GGA2: variants seen among roughly 807,000 people sequenced by gnomAD.
The protein encoded by GGA2 is ADP-ribosylation factor-binding protein GGA2.
Under a neutral mutation model 79.5 loss-of-function variants are expected in GGA2, and 48 were observed. That is an observed-to-expected ratio of 0.60 (90% CI 0.48 to 0.77). GGA2 has a LOEUF of 0.77. Among genes scored for constraint, GGA2 ranks in the 30% least tolerant of loss-of-function variants. GGA2 has a pLI of 0.00. For missense variants in GGA2, 770 were observed against 774.0 expected, an observed-to-expected ratio of 0.99 and a Z score of 0.06; for synonymous variants, 317 against 302.0, an observed-to-expected ratio of 1.05 and a Z score of -0.51.
chr16:23,488,660 T>G lies in GGA2; in HGVS notation c.525A>C (p.Pro175=), dbSNP rs1306482238. ...TGGAGCTCTTGGGCCAGGGAGATGG[T>G]GGGGGTAAGATTTTATCCACTGGTA... ...PKLPVDKILP[P]PSPWPKSSIF... is the part of the protein sequence containing the mutation. Residue 175 remains proline, a synonymous_variant, in exon 6 of 17, where the codon CCA becomes CCC. Transcript: ENST00000309859. 2 of 1,611,648 alleles carry G rather than the reference T, an allele frequency of 1.2e-6. No homozygotes were observed. The highest frequency in any genetic ancestry group is 2.2e-5 in the South Asian group (2 of 91,000).
rs559167664 is a variant in GGA2, at chr16:23,467,385, C to T, written c.*205G>A. The T allele has an allele frequency of 2.9e-4, 155 of 532,372 alleles. No homozygotes were observed. In the East Asian group the frequency reaches 4.4e-3, roughly 15 times the overall value. 33.0% of individuals were successfully genotyped at this position (532,372 alleles called of 1,614,324 possible). ...AAGCCCTGTGCTACCACCCTCTCCC[C>T]GAACACACACACACACACACACACA... is the stretch of plus-strand genomic sequence containing the variant. On this transcript the variant is annotated 3_prime_UTR_variant, in exon 17 of 17. Coordinates refer to ENST00000309859, the MANE Select transcript of GGA2 (RefSeq NM_015044.4).
chr16:23,467,387 AACACACACACACACACACACACACACAC>A lies in GGA2; in HGVS notation c.*175_*202del, dbSNP rs57255054. Reference sequence around the variant, plus strand: ...GCCCTGTGCTACCACCCTCTCCCCGAACACACACACACACACACACACACACACACACACACACACACACACAGAGCAT... The same window carrying A: ...GCCCTGTGCTACCACCCTCTCCCCGAACACACACACACACACACAGAGCAT... On this transcript the variant is annotated 3_prime_UTR_variant, in exon 17 of 17. Transcript: ENST00000309859. 30 of 327,574 alleles carry A rather than the reference AACACACACACACACACACACACACACAC, an allele frequency of 9.2e-5. No homozygotes were observed. The highest frequency in any genetic ancestry group is 1.9e-4 in the Admixed American group (4 of 21,192). The allele number at this position is 327,574 out of a possible 1,614,324, so 20.3% of individuals were successfully genotyped here.
intron 1 of GGA2, among the ~76,000 whole-genome samples, chr16:23,506,842 C>T (rs758255539): frequency 3.9e-5 from 6 of 152,118 alleles, no homozygotes; most frequent in South Asian, 2.1e-4. Context: ...TGATCTCCTT[C>T]GCCAGACAGT....
At chr16:23,509,425 G>C (rs1456238545) in intron 1 of GGA2, among the ~76,000 whole-genome samples, 1 of 152,106 alleles carries the variant, frequency 6.6e-6, no homozygotes, top group African/African-American at 2.4e-5. Context: ...CAGGTGAAAC[G>C]AACGCCCTCC....
intron 1 of GGA2, among the ~76,000 whole-genome samples, chr16:23,496,097 TTGAGAC>T (rs1390888478): frequency 6.6e-6 from 1 of 151,808 alleles, no homozygotes; most frequent in Non-Finnish European, 1.5e-5. Flanking sequence ...GGTCAGAAGT[TTGAGAC>T]TAGCCTGACC....
At chr16:23,506,571 G>C (rs774562571) in intron 1 of GGA2, among the ~76,000 whole-genome samples, 9 of 152,192 alleles carry the variant, frequency 5.9e-5, no homozygotes, top group Non-Finnish European at 8.8e-5. Flanking sequence ...TTGGTATCCA[G>C]TGGATTTAGC....
At chr16:23,469,684 G>A (rs542814709) in intron 15 of GGA2, 1 of 192,570 alleles carries the variant, frequency 5.2e-6, no homozygotes, top group African/African-American at 2.3e-5. Flanking sequence ...AGAGGGTTAA[G>A]GACCATGCAA....
At chr16:23,504,006 G>A (rs1001603410) in intron 1 of GGA2, among the ~76,000 whole-genome samples, 1 of 151,986 alleles carries the variant, frequency 6.6e-6, no homozygotes, top group Non-Finnish European at 1.5e-5. Context: ...GCTTGAACCC[G>A]GGAGACGGAG....
Position 23,486,098 on chromosome 16 carries a change from G to C in GGA2, c.715C>G (p.Arg239Gly). 1 of 1,613,670 alleles carries C rather than the reference G, an allele frequency of 6.2e-7. No individual in the cohort carries two copies. Among genetic ancestry groups the C allele is most frequent in the Non-Finnish European group, 8.5e-7 (1 of 1,179,572 alleles). ...SKRVSAVEEVRSHVKVLQEML... is the reference protein window; with the variant it reads ...SKRVSAVEEVGSHVKVLQEML... ...TCCTGCAGCACCTTCACATGGCTTCGCACTTCCTCCACCGCACTGACCCTC... is the reference window on the plus strand; with the variant it reads ...TCCTGCAGCACCTTCACATGGCTTCCCACTTCCTCCACCGCACTGACCCTC... The change falls in exon 8 of 17, where the codon CGA becomes GGA. Residue 239 changes from arginine to glycine, a missense_variant. Arg to Gly is a moderately radical substitution (Grantham distance 125, BLOSUM62 -2). Transcript: ENST00000309859.
At chr16:23,500,624 G>A (rs1964910741) in intron 1 of GGA2, among the ~76,000 whole-genome samples, 1 of 152,228 alleles carries the variant, frequency 6.6e-6, no homozygotes, top group Non-Finnish European at 1.5e-5. Context: ...CAGAGGCGTC[G>A]CAGATGGAAC....
intron 13 of GGA2, among the ~76,000 whole-genome samples, chr16:23,476,016 T>C (rs2095696103): frequency 6.6e-6 from 1 of 152,302 alleles, no homozygotes; most frequent in Non-Finnish European, 1.5e-5. Context: ...TTATGAAGGT[T>C]GTTCATGTTG....
chr16:23,514,452 A>G (rs1392241347), upstream of GGA2, among the ~76,000 whole-genome samples: 1 of 151,034 alleles, frequency 6.6e-6, no homozygotes, highest in Non-Finnish European at 1.5e-5. Context: ...TTCTCTTGTT[A>G]GCCTTTTTTT....
At chr16:23,476,433 A>G (rs963975516) in intron 13 of GGA2, among the ~76,000 whole-genome samples, 1 of 152,126 alleles carries the variant, frequency 6.6e-6, no homozygotes, top group Admixed American at 6.6e-5. Context: ...CACCTTAGAG[A>G]ACCTCTCCCT....
At chr16:23,482,849 C>G (rs1448772035) in intron 9 of GGA2, 74 bp downstream of exon 9, 2 of 899,286 alleles carry the variant, frequency 2.2e-6, no homozygotes, top group Admixed American at 1.7e-5. Context: ...GTTCCTGGCA[C>G]AGCAGTGTGA....
intron 14 of GGA2, among the ~76,000 whole-genome samples, chr16:23,471,781 C>T (rs1252065861): frequency 6.6e-6 from 1 of 152,022 alleles, no homozygotes; most frequent in Non-Finnish European, 1.5e-5. Flanking sequence ...TGGTGCATGC[C>T]TGTCATTCTA....
chr16:23,464,038 G>C lies in GGA2; in HGVS notation c.*3552C>G, dbSNP rs979067957. 1 of 152,098 alleles carries C rather than the reference G, an allele frequency of 6.6e-6. No homozygotes were observed. The highest frequency in any genetic ancestry group is 2.1e-4 in the South Asian group (1 of 4,830). The allele number at this position is 152,098 out of a possible 1,614,324, so 9.4% of individuals were successfully genotyped here. A position where few individuals can be genotyped will look rare whatever the true frequency, so the allele number is the denominator to read the frequency against. Reference sequence around the variant, plus strand: ...ATCTTCTATAATGGGTATATTTAAAGGATTTGGGATTAATATTGTAGTAGG... The same window carrying C: ...ATCTTCTATAATGGGTATATTTAAACGATTTGGGATTAATATTGTAGTAGG... On this transcript the variant is annotated 3_prime_UTR_variant, in exon 17 of 17. Coordinates refer to ENST00000309859, the MANE Select transcript of GGA2 (RefSeq NM_015044.4).
intron 1 of GGA2, among the ~76,000 whole-genome samples, chr16:23,507,356 C>T (rs912241600): frequency 6.6e-6 from 1 of 152,108 alleles, no homozygotes; most frequent in African/African-American, 2.4e-5. Flanking sequence ...ACAAATTAGG[C>T]CAGGCTCATG....
intron 5 of GGA2, 122 bp downstream of exon 5, chr16:23,491,555 C>T (rs934917975): frequency 1.3e-4 from 78 of 608,516 alleles, no homozygotes; most frequent in Admixed American, 2.9e-5. Flanking sequence ...AAAACTCTAC[C>T]TCAGTGTCTA....
intron 1 of GGA2, among the ~76,000 whole-genome samples, chr16:23,496,921 G>A (rs967799522): frequency 6.8e-6 from 1 of 147,960 alleles, no homozygotes; most frequent in African/African-American, 2.5e-5. Flanking sequence ...TGGCACCACT[G>A]TACTCAGCCT....
Sources: gnomAD v4.1 joint callset for allele counts (sites outside exome capture counted in the v4.1 genomes callset) on GRCh38, gnomAD v4.1.1 for gene constraint, MANE v1.5 for transcripts, NCBI Gene and HGNC (gene_info 2026-07-23, HGNC 2026-07-21) for gene names.